ZFHX3: variants seen among roughly 807,000 people sequenced by gnomAD.
ZFHX3 encodes zinc finger homeobox 3, also known as zinc finger homeobox protein 3.
A neutral mutation model predicts 279.1 loss-of-function variants in ZFHX3; 42 were observed. That is an observed-to-expected ratio of 0.15 (90% confidence interval 0.12 to 0.19). The LOEUF (loss-of-function observed/expected upper bound fraction) is 0.19, where lower values mean the gene tolerates loss of function less well. ZFHX3 is among the 10% of genes least tolerant of loss of function. The pLI is 1.00. For synonymous variants in ZFHX3, 2,293 were observed against 1,957.8 expected, an observed-to-expected ratio of 1.17 and a Z score of -4.52; for missense variants, 4,981 against 4,754.0, an observed-to-expected ratio of 1.05 and a Z score of -1.40.
At chr16:73,169,024 C>A (rs1318842652) in intron 5 of ZFHX3, among the ~76,000 whole-genome samples, 1 of 152,174 alleles carries the variant, frequency 6.6e-6, no homozygotes, top group East Asian at 1.9e-4. Context: ...TTTGGTTCAG[C>A]ATATTAGAAT....
intron 4 of ZFHX3, among the ~76,000 whole-genome samples, chr16:73,285,280 C>T (rs2014566334): frequency 6.6e-6 from 1 of 152,152 alleles, no homozygotes; most frequent in Non-Finnish European, 1.5e-5. Flanking sequence ...CGATGAGGTC[C>T]ACATAACAAC....
intron 1 of ZFHX3, among the ~76,000 whole-genome samples, chr16:73,882,174 G>A (rs1317923344): frequency 1.3e-5 from 2 of 152,044 alleles, no homozygotes; most frequent in African/African-American, 4.8e-5. Flanking sequence ...TATTACAGTA[G>A]GACTGTTTGT....
chr16:73,841,430 G>A (rs1003263873), intron 1 of ZFHX3, among the ~76,000 whole-genome samples: 26 of 152,142 alleles, frequency 1.7e-4, no homozygotes, highest in Non-Finnish European at 3.2e-4. Context: ...ATAACAATCA[G>A]GCTCCAGGAA....
intron 4 of ZFHX3, among the ~76,000 whole-genome samples, chr16:73,265,317 C>T (rs1209159484): frequency 6.6e-6 from 1 of 152,040 alleles, no homozygotes; most frequent in African/African-American, 2.4e-5. Context: ...GAGGAGGAGC[C>T]ATGCTGATGG....
chr16:73,531,714 C>CAAAAAAAAAAA (rs34119200), intron 2 of ZFHX3, among the ~76,000 whole-genome samples: 1 of 81,146 alleles, frequency 1.2e-5, no homozygotes, highest in East Asian at 3.7e-4. Context: ...AACCCTGTCT[C>CAAAAAAAAAAA]AAAAAAAAAA....
At chr16:73,679,540 C>G (rs1405435417) in intron 2 of ZFHX3, 2 of 152,064 alleles carry the variant, frequency 1.3e-5, no homozygotes, top group East Asian at 3.9e-4. Flanking sequence ...TTATGTAAAA[C>G]AAAAACAAAA....
At chr16:73,554,597 G>A (rs1043809397) in intron 2 of ZFHX3, 1 of 152,128 alleles carries the variant, frequency 6.6e-6, no homozygotes, top group African/African-American at 2.4e-5. Flanking sequence ...TTAAATATTA[G>A]TTATTAAGAT....
chr16:73,494,329 T>C (rs530477825), intron 2 of ZFHX3, among the ~76,000 whole-genome samples: 113 of 152,224 alleles, frequency 7.4e-4, no homozygotes, highest in Non-Finnish European at 1.4e-3. Flanking sequence ...CTAATGAAGA[T>C]ATGGCTGGAA....
intron 1 of ZFHX3, among the ~76,000 whole-genome samples, chr16:73,787,217 G>T (rs1475060508): frequency 2.0e-5 from 3 of 152,080 alleles, no homozygotes; most frequent in Non-Finnish European, 4.4e-5. Flanking sequence ...TATCATTGGG[G>T]TGTTTCCTCT....
chr16:72,994,481 G>T (rs1400489990), intron 1 of ZFHX3, among the ~76,000 whole-genome samples: 4 of 152,148 alleles, frequency 2.6e-5, no homozygotes, highest in African/African-American at 9.7e-5. Context: ...AGTACCAATG[G>T]GACTTAGAGT....
chr16:73,436,467 T>G (rs1339437082), intron 3 of ZFHX3, among the ~76,000 whole-genome samples: 2 of 152,026 alleles, frequency 1.3e-5, no homozygotes, highest in African/African-American at 2.4e-5. Context: ...TATAAAACCA[T>G]CAGATGTCGT....
Position 73,878,938 on chromosome 16 carries a change from AAGATAT to A in ZFHX3, c.-1608+12707_-1608+12712del, listed in dbSNP as rs201005206. On this transcript the variant is annotated intron_variant, in intron 1 of 17. Transcript: ENST00000641206. The stretch of plus-strand genomic sequence containing the variant: ...ACATCCTTCACTGTTCAAAAAAGAT[AAGATAT>A]ATATATATATATATATATATAGTTG... Among the ~76,000 whole-genome samples, 440 of 104,984 alleles carry A rather than the reference AAGATAT, an allele frequency of 4.2e-3. 8 individuals carry two copies. In the East Asian group the frequency reaches 0.057, roughly 14 times the overall value. The allele number at this position is 104,984 out of a possible 152,430, so 68.9% of individuals were successfully genotyped here.
At chr16:72,918,230 G>A (rs1028821101) in intron 3 of ZFHX3, among the ~76,000 whole-genome samples, 1 of 152,224 alleles carries the variant, frequency 6.6e-6, no homozygotes, top group Admixed American at 6.5e-5. Flanking sequence ...AAAGCAGGGG[G>A]CAAGGATGGT....
chr16:73,586,419 A>G (rs1342718577), intron 2 of ZFHX3, among the ~76,000 whole-genome samples: 3 of 151,080 alleles, frequency 2.0e-5, no homozygotes, highest in Non-Finnish European at 4.4e-5. Flanking sequence ...CAAACAAACA[A>G]ACAAACAAAA....
intron 1 of ZFHX3, among the ~76,000 whole-genome samples, chr16:72,969,634 AAAAAACAAAAACAG>A (rs2144504147): frequency 6.6e-6 from 1 of 152,268 alleles, no homozygotes; most frequent in African/African-American, 2.4e-5. Flanking sequence ...CACCTCCTTA[AAAAAACAAAAACAG>A]AAAAACAAAG....
intron 3 of ZFHX3, among the ~76,000 whole-genome samples, chr16:73,399,837 G>GGTGTGTGGGT (rs1555513939): frequency 3.1e-4 from 46 of 148,286 alleles, no homozygotes. Flanking sequence ...TGTGGTGTGT[G>GGTGTGTGGGT]GTGTGTGTGT....
At chr16:73,209,072 T>C (rs2011911840) in intron 5 of ZFHX3, among the ~76,000 whole-genome samples, 1 of 152,204 alleles carries the variant, frequency 6.6e-6, no homozygotes, top group African/African-American at 2.4e-5. Context: ...TATCATACTC[T>C]CTACTTTTAT....
chr16:73,753,783 G>T (rs995873496), intron 1 of ZFHX3, among the ~76,000 whole-genome samples: 2 of 151,856 alleles, frequency 1.3e-5, no homozygotes, highest in African/African-American at 4.8e-5. Context: ...TTTCAATAAG[G>T]TGTTTTTTTT....
intron 1 of ZFHX3, among the ~76,000 whole-genome samples, chr16:73,866,105 C>T (rs570963007): frequency 6.7e-6 from 1 of 150,292 alleles, no homozygotes; most frequent in East Asian, 2.0e-4. Context: ...CGGGCTCAGG[C>T]AATCCTCTCA....
Sources: gnomAD v4.1 joint callset for allele counts (sites outside exome capture counted in the v4.1 genomes callset) on GRCh38, gnomAD v4.1.1 for gene constraint, MANE v1.5 for transcripts, NCBI Gene and HGNC (gene_info 2026-07-23, HGNC 2026-07-21) for gene names.